DICER1: variants seen among roughly 807,000 people sequenced by gnomAD.
DICER1 encodes the protein endoribonuclease Dicer.
Under a neutral mutation model 194.1 loss-of-function variants are expected in DICER1, and 43 were observed. The observed-to-expected ratio is 0.22, with a 90% CI of 0.17 to 0.29. The LOEUF (loss-of-function observed/expected upper bound fraction) is 0.29, where lower values mean the gene tolerates loss of function less well. Ranked by LOEUF, DICER1 falls within the 10% of genes least tolerant of loss-of-function variation. DICER1 has a pLI of 1.00. For missense variants in DICER1, 1,608 were observed against 2,317.0 expected (o/e 0.69, Z 6.28); for synonymous variants, 832 against 820.5 (o/e 1.01, Z -0.24).
Position 95,086,388 on chromosome 14 carries a change from T to A in DICER1, c.*4110A>T, listed in dbSNP as rs1476744853. The A allele has an allele frequency of 4.3e-6, 1 of 233,128 alleles. No individual in the cohort carries two copies. The highest frequency in any genetic ancestry group is 6.1e-5 in the East Asian group (1 of 16,484). 14.4% of individuals were successfully genotyped at this position (233,128 alleles called of 1,614,324 possible). A position where few individuals can be genotyped will look rare whatever the true frequency, so the allele number is the denominator to read the frequency against. On this transcript the variant is annotated 3_prime_UTR_variant, in exon 27 of 27. Coordinates refer to ENST00000343455, the MANE Select transcript of DICER1 (RefSeq NM_177438.3). ...TGTTCCTTAAAAAACAGCTGCAGCA[T>A]GTGATGGTAAATATTTTATTGTCAA...
intron 5 of DICER1, among the ~76,000 whole-genome samples, chr14:95,129,835 G>T (rs894625489): frequency 2.9e-4 from 44 of 151,986 alleles, no homozygotes; most frequent in African/African-American, 1.0e-3. Flanking sequence ...TTTTCAAAAA[G>T]GCTCAATTAG....
intron 1 of DICER1, among the ~76,000 whole-genome samples, chr14:95,144,706 C>T (rs1895026518): frequency 6.6e-6 from 1 of 152,048 alleles, no homozygotes; most frequent in Non-Finnish European, 1.5e-5. Context: ...GCCAGATTAA[C>T]CTGAAAAACC....
intron 8 of DICER1, 90 bp from the exon 9 acceptor site, chr14:95,117,844 G>T: frequency 7.8e-7 from 1 of 1,289,902 alleles, no homozygotes; most frequent in Non-Finnish European, 1.1e-6. Context: ...GGAAGTACAT[G>T]CATTTTTTGC....
At chr14:95,100,718 C>T (rs1473110706) in intron 21 of DICER1, among the ~76,000 whole-genome samples, 1 of 152,158 alleles carries the variant, frequency 6.6e-6, no homozygotes, top group Non-Finnish European at 1.5e-5. Flanking sequence ...TTTCATAAAG[C>T]TCGGTTCCTT....
In DICER1 at chr14:95,103,831, A is replaced by T. The variant is rs1258777784; in HGVS notation, c.3565T>A (p.Tyr1189Asn). 1 of 1,614,078 alleles carries T rather than the reference A, an allele frequency of 6.2e-7. No homozygotes were observed. Residue 1189 changes from tyrosine to asparagine, a missense_variant, in exon 21 of 27, where the codon TAT becomes AAT. Tyr to Asn is a moderately radical substitution (Grantham distance 143). Around this residue, in one of 10 missense-constraint regions of DICER1, gnomAD observed 222 missense variants for 215.5 expected, o/e 1.03. Transcript: ENST00000343455. ...SYNQNLANGS[Y>N]DLANRDFCQG... ...CAAAAGTCTCTGTTAGCTAAATCAT[A>T]ACTGCCATTGGCGAGATTTTGATTG...
At chr14:95,137,848 T>C (rs371135973) in intron 1 of DICER1, 26 of 154,648 alleles carry the variant, frequency 1.7e-4, no homozygotes, top group East Asian at 1.5e-3. Context: ...GCAAAGCCGC[T>C]TGTTTCGGAA....
rs1566766423 is a variant in DICER1, at chr14:95,103,337, ATC to A, written c.4050+7_4050+8del. 8.7e-6 allele frequency: 14 copies of A among 1,613,748 alleles called. No individual in the cohort carries two copies. Among genetic ancestry groups the A allele is most frequent in the Non-Finnish European group, 1.2e-5 (14 of 1,179,650 alleles). ...ATTAACTGCTCAAAATAAAAAAATC[ATC>A]TCTTACCTTTTTGCTTCTCATATAT... On this transcript the variant is annotated splice_region_variant and intron_variant, in intron 21 of 26. Coordinates refer to ENST00000343455, the MANE Select transcript of DICER1 (RefSeq NM_177438.3).
chr14:95,093,046 A>C (rs1391789250), intron 24 of DICER1, among the ~76,000 whole-genome samples: 1 of 152,206 alleles, frequency 6.6e-6, no homozygotes, highest in Admixed American at 6.5e-5. Flanking sequence ...ACCTACTCTT[A>C]ATTTTTGTCA....
chr14:95,128,631 T>A (rs937625764), intron 6 of DICER1, among the ~76,000 whole-genome samples: 5 of 152,246 alleles, frequency 3.3e-5, no homozygotes, highest in Non-Finnish European at 5.9e-5. Context: ...AAGAATCCCA[T>A]GAAACCACTG....
chr14:95,090,509 G>A lies in DICER1; in HGVS notation c.5758C>T (p.Pro1920Ser), dbSNP rs1889697031. 1 of 1,613,872 alleles carries A rather than the reference G, an allele frequency of 6.2e-7. No individual in the cohort carries two copies. The highest frequency in any genetic ancestry group is 8.5e-7 in the Non-Finnish European group (1 of 1,180,016). Reference protein sequence around the residue: ...RSLKANQPQVPNS With the variant: ...RSLKANQPQVSNS ...TTTAAAAAGCGGTTTCAGCTATTGG[G>A]AACCTGAGGTTGATTAGCTTTGAGG... The change falls in exon 27 of 27, where the codon CCC (proline) becomes TCC (serine). Residue 1920 changes from proline (P) to serine (S), a missense_variant. Physicochemically the swap from Pro to Ser is moderately conservative, Grantham distance 74. Around this residue, in one of 10 missense-constraint regions of DICER1, gnomAD observed 138 missense variants for 298.3 expected, o/e 0.46. Coordinates refer to ENST00000343455, the MANE Select transcript of DICER1 (RefSeq NM_177438.3).
At chr14:95,144,560 T>C (rs1240175309) in intron 1 of DICER1, among the ~76,000 whole-genome samples, 1 of 152,180 alleles carries the variant, frequency 6.6e-6, no homozygotes, top group Non-Finnish European at 1.5e-5. Flanking sequence ...AGAACCATTT[T>C]TTTTAGCATA....
rs768690462 is a variant in DICER1 at position 95,087,459 on chromosome 14, C to G, written c.*3039G>C. On this transcript the variant is annotated 3_prime_UTR_variant, in exon 27 of 27. Transcript: ENST00000343455. ...ACAAAAATGACCTATTTAAGTTGTG[C>G]GAGTATATGACACATTGCAGGCATT... The G allele has an allele frequency of 1.8e-4, 42 of 232,934 alleles. No individual in the cohort carries two copies. The highest frequency in any genetic ancestry group is 3.1e-4 in the Non-Finnish European group (37 of 117,896). The allele number at this position is 232,934 out of a possible 1,614,324, so 14.4% of individuals were successfully genotyped here.
At chr14:95,099,219 T>C (rs1187655) in intron 22 of DICER1, among the ~76,000 whole-genome samples, 115,229 of 152,064 alleles carry the variant, frequency 0.76, 43,940 homozygotes, top group East Asian at 0.96. Context: ...CAAAATGAAG[T>C]GGCTGTTGCT....
At position 95,124,118 on chromosome 14, in the gene DICER1, C is replaced by A; in HGVS notation, c.1376+78G>T. ...TACATAACCCTCATGCTAGCTCTTA[C>A]AGCTGCTGCAGCGCATCACATCACA... On this transcript the variant is annotated intron_variant, in intron 8 of 26. Coordinates refer to ENST00000343455, the MANE Select transcript of DICER1 (RefSeq NM_177438.3). The surrounding 1 kb of genome is among the most constrained non-coding windows in gnomAD (Gnocchi z 4.5). 2 of 1,052,622 alleles carry A rather than the reference C, an allele frequency of 1.9e-6. No homozygotes were observed. Among genetic ancestry groups the A allele is most frequent in the South Asian group, 2.6e-5 (2 of 77,514 alleles). 65.2% of individuals were successfully genotyped at this position (1,052,622 alleles called of 1,614,324 possible).
rs553873161 is a variant in DICER1, at chr14:95,144,854, G to T, written c.-45-11351C>A. Among the ~76,000 whole-genome samples the T allele has an allele frequency of 9.2e-5, 14 of 151,856 alleles. No individual in the cohort carries two copies. The South Asian group carries it at 2.9e-3, about 32-fold the overall frequency. ...TTCCCTTTTTCTACTTAAGAGTAAG[G>T]CATAAACTCCCCCTTCTTCTACACC... On this transcript the variant is annotated intron_variant, in intron 1 of 26. Transcript: ENST00000343455.
At chr14:95,151,202 T>C (rs1283960297) in intron 1 of DICER1, among the ~76,000 whole-genome samples, 1 of 152,316 alleles carries the variant, frequency 6.6e-6, no homozygotes, top group Admixed American at 6.5e-5. Flanking sequence ...TAAGGCACTG[T>C]TACATTTGGT....
chr14:95,143,582 T>TG (rs2140384585), intron 1 of DICER1, among the ~76,000 whole-genome samples: 1 of 152,236 alleles, frequency 6.6e-6, no homozygotes, highest in East Asian at 1.9e-4. Context: ...CATAAAAATG[T>TG]GAAAAAAAAT....
At chr14:95,113,407 T>C (rs1011222447) in intron 11 of DICER1, among the ~76,000 whole-genome samples, 183 bp from the exon 12 acceptor site, 1 of 152,266 alleles carries the variant, frequency 6.6e-6, no homozygotes, top group African/African-American at 2.4e-5. Context: ...ACAGAACTTC[T>C]GCAAAGATGT....
intron 1 of DICER1, among the ~76,000 whole-genome samples, chr14:95,138,449 T>A (rs1894579630): frequency 6.6e-6 from 1 of 151,612 alleles, no homozygotes; most frequent in South Asian, 2.1e-4. Context: ...AGAAATAACA[T>A]CTCTAACCAA....
Sources: gnomAD v4.1 joint callset for allele counts (sites outside exome capture counted in the v4.1 genomes callset) on GRCh38, gnomAD v4.1.1 for gene constraint, gnomAD v4.1.1 regional missense constraint, Gnocchi (gnomAD v3.1) non-coding constraint, MANE v1.5 for transcripts, NCBI Gene and HGNC (gene_info 2026-07-23, HGNC 2026-07-21) for gene names.